Variants in GPC5 observed in about 807,000 individuals in gnomAD.
GPC5 encodes glypican-5.
Under a neutral mutation model 53.9 loss-of-function variants are expected in GPC5, and 47 were observed. That is an observed-to-expected ratio of 0.87 (90% CI 0.69 to 1.11). GPC5 has a LOEUF of 1.11. Among genes scored for constraint, GPC5 ranks in the 50% most tolerant of loss-of-function variants. The pLI is 0.00. For synonymous variants in GPC5, 286 were observed against 263.3 expected, an observed-to-expected ratio of 1.09 and a Z score of -0.84; for missense variants, 748 against 713.1, an observed-to-expected ratio of 1.05 and a Z score of -0.56.
intron 7 of GPC5, among the ~76,000 whole-genome samples, chr13:92,481,044 G>A (rs1879332936): frequency 1.3e-5 from 2 of 152,028 alleles, no homozygotes; most frequent in Non-Finnish European, 2.9e-5. Context: ...TCACTCAGTG[G>A]GTTCTACTTC....
At chr13:91,551,956 A>G (rs2138829391) in intron 2 of GPC5, among the ~76,000 whole-genome samples, 1 of 152,208 alleles carries the variant, frequency 6.6e-6, no homozygotes, top group East Asian at 1.9e-4. Flanking sequence ...CATACTGGTA[A>G]GTGATTTAGA....
At chr13:92,287,333 T>C (rs1382608405) in intron 7 of GPC5, among the ~76,000 whole-genome samples, 1 of 152,154 alleles carries the variant, frequency 6.6e-6, no homozygotes, top group Non-Finnish European at 1.5e-5. Flanking sequence ...GTTCATTTTG[T>C]GGTTGTTCTG....
chr13:91,526,874 C>T (rs1268681058), intron 2 of GPC5, among the ~76,000 whole-genome samples: 3 of 152,094 alleles, frequency 2.0e-5, no homozygotes, highest in Admixed American at 6.5e-5. Context: ...AGAGAGAGCA[C>T]AGGGGAAATT....
chr13:92,028,217 G>T (rs2040815401), intron 6 of GPC5, among the ~76,000 whole-genome samples: 1 of 152,000 alleles, frequency 6.6e-6, no homozygotes, highest in African/African-American at 2.4e-5. Flanking sequence ...AATCTTGCAA[G>T]ATAAAAACGA....
intron 7 of GPC5, among the ~76,000 whole-genome samples, chr13:92,356,212 C>T (rs1053397512): frequency 2.0e-5 from 3 of 151,982 alleles, no homozygotes; most frequent in Non-Finnish European, 4.4e-5. Flanking sequence ...CACACTTAGT[C>T]CATAACATGA....
rs781772788 is a variant in GPC5, at chr13:91,494,349, T to TTATTATTATTA, written c.325+45428_325+45429insATTATTATTAT. Among the ~76,000 whole-genome samples the TTATTATTATTA allele has an allele frequency of 9.7e-3, 722 of 74,352 alleles. 4 individuals are homozygous for TTATTATTATTA. Among genetic ancestry groups the TTATTATTATTA allele is most frequent in the African/African-American group, 0.033 (687 of 20,844 alleles). 48.8% of individuals were successfully genotyped at this position (74,352 alleles called of 152,430 possible). A position where few individuals can be genotyped will look rare whatever the true frequency, so the allele number is the denominator to read the frequency against. ...CTCCATTATTATTATTATTATTATT[T>TTATTATTATTA]TTATTAATTATTATTATTATTTTAC... On this transcript the variant is annotated intron_variant, in intron 2 of 7. Coordinates refer to ENST00000377067, the MANE Select transcript of GPC5 (RefSeq NM_004466.6).
At chr13:92,484,941 G>A (rs1160239983) in intron 7 of GPC5, among the ~76,000 whole-genome samples, 2 of 151,888 alleles carry the variant, frequency 1.3e-5, no homozygotes, top group Non-Finnish European at 2.9e-5. Flanking sequence ...TTCACCGGTT[G>A]ACCAAGTTGG....
At chr13:92,665,196 G>A (rs1886529824) in intron 7 of GPC5, among the ~76,000 whole-genome samples, 1 of 152,052 alleles carries the variant, frequency 6.6e-6, no homozygotes, top group Admixed American at 6.6e-5. Flanking sequence ...CAGTAATTTG[G>A]CCATAAAATT....
intron 7 of GPC5, among the ~76,000 whole-genome samples, chr13:92,644,084 T>C (rs9523745): frequency 0.58 from 88,046 of 152,000 alleles, 29,262 homozygotes; most frequent in Non-Finnish European, 0.77. Context: ...TATAAGCCTA[T>C]TGATAATTTG....
chr13:92,558,411 A>G (rs1195788537), intron 7 of GPC5, among the ~76,000 whole-genome samples: 1 of 152,088 alleles, frequency 6.6e-6, no homozygotes, highest in Admixed American at 6.6e-5. Flanking sequence ...AAAGTTACAC[A>G]AAAGTGCACA....
At chr13:92,208,098 C>T (rs918046153) in intron 7 of GPC5, among the ~76,000 whole-genome samples, 4 of 152,228 alleles carry the variant, frequency 2.6e-5, no homozygotes, top group African/African-American at 9.6e-5. Context: ...CCGTTCTCTG[C>T]ATTCCTGCAG....
At chr13:91,480,842 C>G (rs748179175) in intron 2 of GPC5, among the ~76,000 whole-genome samples, 1 of 152,158 alleles carries the variant, frequency 6.6e-6, no homozygotes, top group Non-Finnish European at 1.5e-5. Flanking sequence ...GGACCAGTTA[C>G]TGTAACCAAC....
chr13:92,579,490 C>T (rs1378310497), intron 7 of GPC5, among the ~76,000 whole-genome samples: 1 of 151,912 alleles, frequency 6.6e-6, no homozygotes. Context: ...TTACAGATGA[C>T]ATCACCAGTT....
chr13:91,973,447 G>A (rs1205181103), intron 6 of GPC5, among the ~76,000 whole-genome samples: 1 of 152,180 alleles, frequency 6.6e-6, no homozygotes, highest in Non-Finnish European at 1.5e-5. Flanking sequence ...TTGATCATCT[G>A]GAGCCTTCTT....
intron 7 of GPC5, among the ~76,000 whole-genome samples, chr13:92,633,245 C>A (rs762441462): frequency 6.6e-6 from 1 of 151,990 alleles, no homozygotes; most frequent in African/African-American, 2.4e-5. Context: ...ATCATGAGAA[C>A]GTGTGGGAAT....
intron 1 of GPC5, among the ~76,000 whole-genome samples, chr13:91,418,965 C>A (rs1878421136): frequency 6.6e-6 from 1 of 151,924 alleles, no homozygotes; most frequent in Non-Finnish European, 1.5e-5. Flanking sequence ...TCCTGAAAGA[C>A]AAAAGGTGCA....
At chr13:92,018,147 G>A (rs111375811) in intron 6 of GPC5, among the ~76,000 whole-genome samples, 8 of 152,170 alleles carry the variant, frequency 5.3e-5, no homozygotes, top group African/African-American at 1.9e-4. Flanking sequence ...TGCAACCCCG[G>A]TGCAACAGCT....
At chr13:92,264,561 C>T (rs1322177027) in intron 7 of GPC5, among the ~76,000 whole-genome samples, 1 of 151,966 alleles carries the variant, frequency 6.6e-6, no homozygotes, top group Admixed American at 6.6e-5. Flanking sequence ...TACGTTTTGT[C>T]CAATTCTTTG....
chr13:91,523,419 A>G lies in GPC5; in HGVS notation c.325+74497A>G, dbSNP rs564006203. On this transcript the variant is annotated intron_variant, in intron 2 of 7. Coordinates refer to ENST00000377067, the MANE Select transcript of GPC5 (RefSeq NM_004466.6). ...CTGTCTTAAGGAAGGAAATTCTGTC[A>G]TTTGCAACAACATGAATGAATCTGG... is the stretch of plus-strand genomic sequence containing the variant. Among the ~76,000 whole-genome samples the G allele has an allele frequency of 3.9e-5, 6 of 152,346 alleles. No homozygotes were observed. In the South Asian group the frequency reaches 8.3e-4, roughly 21 times the overall value.
Sources: allele counts gnomAD v4.1 joint callset (sites outside exome capture counted in the v4.1 genomes callset), GRCh38; gene constraint gnomAD v4.1.1; transcripts MANE v1.5; gene names NCBI Gene and HGNC (gene_info 2026-07-23, HGNC 2026-07-21).